Variants in ZCCHC10 observed in about 807,000 individuals in gnomAD.
ZCCHC10 encodes zinc finger CCHC domain-containing protein 10.
ZCCHC10 carries 16 observed loss-of-function variants against 19.5 expected under a neutral mutation model. The ratio of observed to expected loss-of-function variants is 0.82; its 90% CI spans 0.56 to 1.25. The LOEUF (loss-of-function observed/expected upper bound fraction) is 1.25. Among genes scored for constraint, ZCCHC10 ranks in the 50% most tolerant of loss-of-function variants. The pLI is 0.00. For missense variants in ZCCHC10, 197 were observed against 201.0 expected, an observed-to-expected ratio of 0.98 and a Z score of 0.12; for synonymous variants, 67 against 72.5, an observed-to-expected ratio of 0.92 and a Z score of 0.38.
chr5:133,000,570 C>T (rs1032986925), intron 3 of ZCCHC10, among the ~76,000 whole-genome samples: 1 of 151,948 alleles, frequency 6.6e-6, no homozygotes, highest in African/African-American at 2.4e-5. Context: ...ATACAAATAG[C>T]CATTTCATAA....
At position 133,018,144 on chromosome 5, in the gene ZCCHC10, CAAA is replaced by C. The variant is rs10602241; in HGVS notation, c.107+4694_107+4696del. On this transcript the variant is annotated intron_variant, in intron 2 of 4. Transcript: ENST00000509437. ...TGGGCAACAAAGTGAGAATCTGTCT[CAAA>C]AAAAAAAAAAAAAAAGACAAAATTA... Among the ~76,000 whole-genome samples, 878 of 96,332 alleles carry C rather than the reference CAAA, an allele frequency of 9.1e-3. 7 individuals carry two copies. Among genetic ancestry groups the C allele is most frequent in the African/African-American group, 0.027 (811 of 30,044 alleles). 63.2% of individuals were successfully genotyped at this position (96,332 alleles called of 152,430 possible). A position where few individuals can be genotyped will look rare whatever the true frequency, so the allele number is the denominator to read the frequency against.
intron 1 of ZCCHC10, among the ~76,000 whole-genome samples, chr5:133,023,603 C>G (rs1015882509): frequency 6.6e-6 from 1 of 151,558 alleles, no homozygotes; most frequent in African/African-American, 2.4e-5. Context: ...GGAGAAACCC[C>G]GTCTCTACTA....
At position 132,998,394 on chromosome 5, in the gene ZCCHC10, CA is replaced by C; in HGVS notation, c.*188del. 1 of 525,276 alleles carries C rather than the reference CA, an allele frequency of 1.9e-6. No homozygotes were observed. Among genetic ancestry groups the C allele is most frequent in the East Asian group, 3.2e-5 (1 of 31,496 alleles). 32.5% of individuals were successfully genotyped at this position (525,276 alleles called of 1,614,324 possible). The stretch of plus-strand genomic sequence containing the variant: ...GATAAAAAAAACAAGATTCACCCTT[CA>C]AATAAAAGTCTCTCTCTATAAGCCA... On this transcript the variant is annotated 3_prime_UTR_variant, in exon 5 of 5. Coordinates refer to ENST00000509437, the MANE Select transcript of ZCCHC10 (RefSeq NM_001300816.3).
At chr5:132,999,248 T>C (rs1017290016) in intron 4 of ZCCHC10, among the ~76,000 whole-genome samples, 1 of 152,210 alleles carries the variant, frequency 6.6e-6, no homozygotes, top group African/African-American at 2.4e-5. Flanking sequence ...TGATTCCATA[T>C]ATATGCTTAT....
intron 2 of ZCCHC10, among the ~76,000 whole-genome samples, chr5:133,021,621 CT>C (rs1406155305): frequency 6.6e-6 from 1 of 152,006 alleles, no homozygotes; most frequent in African/African-American, 2.4e-5. Context: ...CAAAATAACT[CT>C]GAAAAAGAGC....
chr5:133,017,714 G>C (rs1009662722), intron 2 of ZCCHC10, among the ~76,000 whole-genome samples: 7 of 152,114 alleles, frequency 4.6e-5, no homozygotes, highest in Non-Finnish European at 1.5e-5. Context: ...TATGAAAGTA[G>C]AACAGAAGTT....
chr5:133,020,814 G>A (rs547775058), intron 2 of ZCCHC10, among the ~76,000 whole-genome samples: 13 of 151,946 alleles, frequency 8.6e-5, no homozygotes, highest in South Asian at 4.1e-4. Context: ...TCCATCTCCC[G>A]GGTTCATGCC....
chr5:133,011,309 GAA>G (rs1429788174), intron 2 of ZCCHC10: 2 of 151,656 alleles, frequency 1.3e-5, no homozygotes, highest in East Asian at 3.9e-4. Flanking sequence ...ACAGAGAAAA[GAA>G]GTGTGAGACT....
intron 2 of ZCCHC10, among the ~76,000 whole-genome samples, chr5:133,016,819 A>T (rs1206993332): frequency 1.3e-5 from 2 of 151,990 alleles, no homozygotes; most frequent in Admixed American, 1.3e-4. Flanking sequence ...TATTTGGTCA[A>T]TTCCCCTTAT....
intron 1 of ZCCHC10, among the ~76,000 whole-genome samples, chr5:133,026,126 G>C (rs894643777): frequency 6.6e-6 from 1 of 152,208 alleles, no homozygotes; most frequent in African/African-American, 2.4e-5. Flanking sequence ...GGAAACTGAA[G>C]GTTTACGTCG....
At chr5:133,016,534 C>T (rs1004120378) in intron 2 of ZCCHC10, among the ~76,000 whole-genome samples, 2 of 152,074 alleles carry the variant, frequency 1.3e-5, no homozygotes, top group South Asian at 2.1e-4. Context: ...CCTCCGCCTC[C>T]GGGGTTCAAT....
At chr5:133,022,489 C>A (rs1320119553) in intron 2 of ZCCHC10, among the ~76,000 whole-genome samples, 1 of 150,002 alleles carries the variant, frequency 6.7e-6, no homozygotes, top group Non-Finnish European at 1.5e-5. Context: ...GACTCTCGGT[C>A]TGTCGCCAGG....
intron 1 of ZCCHC10, 23 bp from the exon 2 acceptor site, chr5:133,022,929 G>A (rs1192839724): frequency 3.6e-6 from 2 of 555,930 alleles, no homozygotes; most frequent in Non-Finnish European, 6.4e-6. Flanking sequence ...AATTTAACAA[G>A]GACAAAGGTA....
Position 133,000,139 on chromosome 5 carries a change from T to TC in ZCCHC10, c.303dup (p.Lys102GlufsTer5), listed in dbSNP as rs747685066. The TC allele has an allele frequency of 6.2e-7, 1 of 1,614,040 alleles. No individual in the cohort carries two copies. Among genetic ancestry groups the TC allele is most frequent in the Non-Finnish European group, 8.5e-7 (1 of 1,179,994 alleles). ...TGCTAAAACCACACATACCTTTTTTTCTTGGCCTTTCTTTCTACATTGGTT... is the reference window on the plus strand; with the variant it reads ...TGCTAAAACCACACATACCTTTTTTTCCTTGGCCTTTCTTTCTACATTGGTT... On this transcript the variant is annotated frameshift_variant, in exon 4 of 5. Transcript: ENST00000509437. LOFTEE classifies it high-confidence loss of function.
At position 132,998,545 on chromosome 5, in the gene ZCCHC10, T is replaced by C. The variant is rs771456577; in HGVS notation, c.*38A>G. 6.4e-7 allele frequency: 1 copy of C among 1,569,780 alleles called. No individual in the cohort carries two copies. The highest frequency in any genetic ancestry group is 1.1e-5 in the South Asian group (1 of 88,536). On this transcript the variant is annotated 3_prime_UTR_variant, in exon 5 of 5. Transcript: ENST00000509437. ...AATTCCCTTTCAAGAATCACATCAA[T>C]GTTTTCAGTCCATCAGTCCAATATG...
At position 132,998,384 on chromosome 5, in the gene ZCCHC10, A is replaced by G; in HGVS notation, c.*199T>C. 1 of 512,802 alleles carries G rather than the reference A, an allele frequency of 2.0e-6. No homozygotes were observed. The highest frequency in any genetic ancestry group is 3.4e-6 in the Non-Finnish European group (1 of 291,632). 31.8% of individuals were successfully genotyped at this position (512,802 alleles called of 1,614,324 possible). A position where few individuals can be genotyped will look rare whatever the true frequency, so the allele number is the denominator to read the frequency against. ...ATATTTTAAAGATAAAAAAAACAAG[A>G]TTCACCCTTCAAATAAAAGTCTCTC... On this transcript the variant is annotated 3_prime_UTR_variant, in exon 5 of 5. Coordinates refer to ENST00000509437, the MANE Select transcript of ZCCHC10 (RefSeq NM_001300816.3).
intron 2 of ZCCHC10, among the ~76,000 whole-genome samples, chr5:133,008,992 G>A (rs942127226): frequency 1.3e-5 from 2 of 151,912 alleles, no homozygotes; most frequent in Admixed American, 6.6e-5. Flanking sequence ...CAACTTGGGT[G>A]ACAGAGGGAG....
At chr5:133,025,344 A>C (rs1764603747) in intron 1 of ZCCHC10, among the ~76,000 whole-genome samples, 1 of 151,670 alleles carries the variant, frequency 6.6e-6, no homozygotes, top group Non-Finnish European at 1.5e-5. Flanking sequence ...CTCTACTAAA[A>C]ATACAAAAAA....
chr5:133,026,457 T>C (rs773347819), intron 1 of ZCCHC10, 40 bp downstream of exon 1: 2 of 1,610,414 alleles, frequency 1.2e-6, no homozygotes, highest in African/African-American at 2.7e-5. Flanking sequence ...GTTTCCCCGC[T>C]CCCAGCCCTC....
Sources: gnomAD v4.1 joint callset for allele counts (sites outside exome capture counted in the v4.1 genomes callset) on GRCh38, gnomAD v4.1.1 for gene constraint, MANE v1.5 for transcripts, NCBI Gene and HGNC (gene_info 2026-07-23, HGNC 2026-07-21) for gene names.